The following MYH8 variants were observed in gnomAD, a reference collection of about 807,000 sequenced individuals.
MYH8 encodes myosin heavy chain 8, also known as myosin-8.
In MYH8, 168 loss-of-function variants were observed where a neutral mutation model predicts 233.2. The ratio of observed to expected loss-of-function variants is 0.72; its 90% CI spans 0.64 to 0.82. The LOEUF (loss-of-function observed/expected upper bound fraction) is 0.82. Among genes scored for constraint, MYH8 ranks in the 40% least tolerant of loss-of-function variants. MYH8 has a pLI of 0.00. For missense variants in MYH8, 1,995 were observed against 2,327.8 expected (o/e 0.86, Z 2.94); for synonymous variants, 785 against 850.6 (o/e 0.92, Z 1.34).
chr17:10,420,371 A>G, intron 2 of MYH8, 114 bp from the exon 3 acceptor site: 1 of 927,216 alleles, frequency 1.1e-6, no homozygotes, highest in Non-Finnish European at 1.7e-6. Flanking sequence ...CTATTCCTCC[A>G]AACTGGCACT....
At position 10,398,901 on chromosome 17, in the gene MYH8, C is replaced by G; in HGVS notation, c.3863-15G>C. The G allele has an allele frequency of 6.2e-7, 1 of 1,600,478 alleles. No individual in the cohort carries two copies. Among genetic ancestry groups the G allele is most frequent in the Non-Finnish European group, 8.5e-7 (1 of 1,172,326 alleles). ...AGAATATTCACCTAGGAATAATAGA[C>G]ATAAGGGAATTTTTTACTGGCATAA... is the stretch of plus-strand genomic sequence containing the variant. On this transcript the variant is annotated splice_polypyrimidine_tract_variant and intron_variant, in intron 28 of 39. Transcript: ENST00000403437.
In MYH8 at chr17:10,401,135, C is replaced by T. The variant is rs992866679; in HGVS notation, c.3165G>A (p.Lys1055=). The change falls in exon 25 of 40, where the codon AAG becomes AAA. Residue 1055 remains lysine (K), a synonymous_variant. Coordinates refer to ENST00000403437, the MANE Select transcript of MYH8 (RefSeq NM_002472.3). ...ATTTGAGGTCACCCTCCAGTTTCCG[C>T]TTTGCTCTTTCTAGATCCATTCGAA... ...KKLRMDLERA[K]RKLEGDLKLA... 8.1e-6 allele frequency: 13 copies of T among 1,614,154 alleles called. No individual in the cohort carries two copies. In the South Asian group the frequency reaches 1.3e-4, roughly 16 times the overall value.
intron 15 of MYH8, among the ~76,000 whole-genome samples, chr17:10,410,463 T>C (rs1266006744): frequency 6.6e-6 from 1 of 152,204 alleles, no homozygotes; most frequent in Non-Finnish European, 1.5e-5. Context: ...TCATGGATCA[T>C]AATGGAGATA....
rs940870546 is a variant in MYH8, at chr17:10,392,652, G to A, written c.5464-6C>T. 18 of 1,614,050 alleles carry A rather than the reference G, an allele frequency of 1.1e-5. No individual in the cohort carries two copies. The highest frequency in any genetic ancestry group is 1.5e-5 in the Non-Finnish European group (18 of 1,179,966). ...TCTCCTTCAAGCTCACGTACCTGCA[G>A]CCAAGAAAAATACTTACGCAGTCAG... On this transcript the variant is annotated splice_polypyrimidine_tract_variant and splice_region_variant and intron_variant, in intron 37 of 39. Coordinates refer to ENST00000403437, the MANE Select transcript of MYH8 (RefSeq NM_002472.3).
intron 35 of MYH8, 73 bp from the exon 36 acceptor site, chr17:10,393,283 G>C: frequency 6.3e-7 from 1 of 1,583,256 alleles, no homozygotes; most frequent in East Asian, 2.2e-5. Flanking sequence ...TGTCTTACTT[G>C]TTGGTTCGTG....
intron 12 of MYH8, 94 bp downstream of exon 12, chr17:10,413,808 G>GTCA: frequency 6.3e-7 from 1 of 1,588,902 alleles, no homozygotes; most frequent in Non-Finnish European, 8.6e-7. Flanking sequence ...TTCACAAGTC[G>GTCA]CAAGTCCAGC....
chr17:10,415,040 G>T lies in MYH8; in HGVS notation c.805+76C>A. On this transcript the variant is annotated intron_variant, in intron 9 of 39. Transcript: ENST00000403437. This position sits in a 1 kb window ranked among gnomAD's most constrained non-coding sequence, Gnocchi z 4.1. The stretch of plus-strand genomic sequence containing the variant: ...ACCCTTTTAACAGGCTTCATGCACA[G>T]CAAGGGTGGCAAAATATCCCTGCAA... 7.2e-7 allele frequency: 1 copy of T among 1,390,044 alleles called. No homozygotes were observed. Among genetic ancestry groups the T allele is most frequent in the Non-Finnish European group, 1.0e-6 (1 of 976,554 alleles). The allele number at this position is 1,390,044 out of a possible 1,614,324, so 86.1% of individuals were successfully genotyped here. A position where few individuals can be genotyped will look rare whatever the true frequency, so the allele number is the denominator to read the frequency against.
At chr17:10,393,349 T>C in intron 35 of MYH8, 139 bp from the exon 36 acceptor site, 1 of 1,241,222 alleles carries the variant, frequency 8.1e-7, no homozygotes, top group East Asian at 2.3e-5. Flanking sequence ...CAGTGGAAAA[T>C]GTTAATTATT....
Position 10,419,053 on chromosome 17 carries a change from G to C in MYH8, c.211-23C>G. 1.2e-6 allele frequency: 2 copies of C among 1,613,874 alleles called. No individual in the cohort carries two copies. The highest frequency in any genetic ancestry group is 1.7e-6 in the Non-Finnish European group (2 of 1,179,904). The stretch of plus-strand genomic sequence containing the variant: ...AGTCTGGTGAGTAAGCAAGAAACCA[G>C]TTCGTTTTTGTTTGTTTGTTTGAGA... On this transcript the variant is annotated intron_variant, in intron 3 of 39. Transcript: ENST00000403437. This position sits in a 1 kb window ranked among gnomAD's most constrained non-coding sequence, Gnocchi z 4.0.
At chr17:10,410,241 T>C (rs1011728195) in intron 15 of MYH8, among the ~76,000 whole-genome samples, 1 of 151,882 alleles carries the variant, frequency 6.6e-6, no homozygotes, top group Admixed American at 6.6e-5. Flanking sequence ...GGGTTGAGGC[T>C]TCAGTGAGCT....
Position 10,395,161 on chromosome 17 carries a change from T to C in MYH8, c.4934A>G (p.Asn1645Ser). The change falls in exon 34 of 40, where the codon AAC becomes AGC. Residue 1645 changes from asparagine to serine, a missense_variant. By Grantham distance (46) the Asn-to-Ser change is conservative (BLOSUM62 1). Transcript: ENST00000403437. ...ANRLAAESLRNYRNTQGILKE... is the reference protein window; with the variant it reads ...ANRLAAESLRSYRNTQGILKE... ...CAGGATTCCTTGGGTGTTCCTGTAG[T>C]TCCTTAAACTCTCTGCAGCTAAGCG... 1 of 1,613,766 alleles carries C rather than the reference T, an allele frequency of 6.2e-7. No homozygotes were observed. The highest frequency in any genetic ancestry group is 2.2e-5 in the East Asian group (1 of 44,886).
intron 39 of MYH8, 141 bp from the exon 40 acceptor site, chr17:10,390,744 T>C: frequency 1.0e-6 from 1 of 992,032 alleles, no homozygotes; most frequent in South Asian, 1.5e-5. Context: ...AAACAGAGTT[T>C]ATAACTTCAA....
chr17:10,392,929 G>C lies in MYH8; in HGVS notation c.5365C>G (p.Leu1789Val). 5 of 1,614,212 alleles carry C rather than the reference G, an allele frequency of 3.1e-6. No homozygotes were observed. Among genetic ancestry groups the C allele is most frequent in the Non-Finnish European group, 4.2e-6 (5 of 1,180,048 alleles). ...SAHLERMKKN[L>V]EQTVKDLQHR... is the part of the protein sequence containing the mutation. ...TGCAGGTCCTTCACCGTCTGCTCCA[G>C]GTTCTTCTTCATCCGCTCCAGGTGG... The change falls in exon 37 of 40, where the codon CTG becomes GTG. Residue 1789 changes from leucine (L) to valine (V), a missense_variant. Leu to Val is a conservative substitution (Grantham distance 32). Coordinates refer to ENST00000403437, the MANE Select transcript of MYH8 (RefSeq NM_002472.3).
chr17:10,410,888 G>A lies in MYH8; in HGVS notation c.1476C>T (p.Phe492=), dbSNP rs1567687933. Residue 492 remains phenylalanine, a synonymous_variant, in exon 15 of 40, where the codon TTC becomes TTT. Coordinates refer to ENST00000403437, the MANE Select transcript of MYH8 (RefSeq NM_002472.3). ...NFTNEKLQQF[F]NHHMFVLEQE... ...GCTCTAGCACAAACATGTGGTGGTT[G>A]AAAAACTGTTGCAGTTTCTCGTTGG... is the stretch of plus-strand genomic sequence containing the variant. 6.2e-7 allele frequency: 1 copy of A among 1,614,010 alleles called. No individual in the cohort carries two copies. The highest frequency in any genetic ancestry group is 8.5e-7 in the Non-Finnish European group (1 of 1,179,984).
chr17:10,397,073 CT>C, intron 30 of MYH8, 87 bp from the exon 31 acceptor site: 1 of 1,403,794 alleles, frequency 7.1e-7, no homozygotes, highest in Non-Finnish European at 9.9e-7. Flanking sequence ...AGTCCTATTT[CT>C]TTTCTTTTCT....
Position 10,418,915 on chromosome 17 carries a change from T to C in MYH8, c.326A>G (p.Lys109Arg), listed in dbSNP as rs1468156936. Residue 109 changes from lysine to arginine, a missense_variant, in exon 4 of 40, where the codon AAA becomes AGA. Lys to Arg is a conservative substitution (Grantham distance 26). Coordinates refer to ENST00000403437, the MANE Select transcript of MYH8 (RefSeq NM_002472.3). ...GATCATCCAGGCTGCATAGCGCTCTTTGAGGTTGTACAGCACTCCAGGCTC... is the reference window on the plus strand; with the variant it reads ...GATCATCCAGGCTGCATAGCGCTCTCTGAGGTTGTACAGCACTCCAGGCTC... The part of the protein sequence containing the change: ...LHEPGVLYNL[K>R]ERYAAWMIYT... The C allele has an allele frequency of 1.1e-5, 18 of 1,614,056 alleles. No individual in the cohort carries two copies. Among genetic ancestry groups the C allele is most frequent in the Non-Finnish European group, 1.5e-5 (18 of 1,180,014 alleles).
Position 10,419,771 on chromosome 17 carries a change from T to G in MYH8, c.210+247A>C, listed in dbSNP as rs540810420. ...TTCCCTCAAGTTTGGACATTCAGACTAGGAAGTGGGGAATTGAAGGGAAAT... is the reference window on the plus strand; with the variant it reads ...TTCCCTCAAGTTTGGACATTCAGACGAGGAAGTGGGGAATTGAAGGGAAAT... On this transcript the variant is annotated intron_variant, in intron 3 of 39. Coordinates refer to ENST00000403437, the MANE Select transcript of MYH8 (RefSeq NM_002472.3). This position sits in a 1 kb window ranked among gnomAD's most constrained non-coding sequence, Gnocchi z 4.0. Among the ~76,000 whole-genome samples, 1 of 152,256 alleles carries G rather than the reference T, an allele frequency of 6.6e-6. No homozygotes were observed. Among genetic ancestry groups the G allele is most frequent in the East Asian group, 1.9e-4 (1 of 5,184 alleles).
In MYH8 at chr17:10,396,810, A is replaced by G. The variant is rs551879041; in HGVS notation, c.4355T>C (p.Phe1452Ser). 1 of 1,614,170 alleles carries G rather than the reference A, an allele frequency of 6.2e-7. No individual in the cohort carries two copies. Among genetic ancestry groups the G allele is most frequent in the Non-Finnish European group, 8.5e-7 (1 of 1,180,022 alleles). Residue 1452 changes from phenylalanine (F) to serine (S), a missense_variant, in exon 31 of 40, where the codon TTT (phenylalanine) becomes TCT (serine). By Grantham distance (155) the Phe-to-Ser change is radical. Transcript: ENST00000403437. This position sits in a 1 kb window ranked among gnomAD's most constrained non-coding sequence, Gnocchi z 4.2. ...CAALDKKQRNFDKVLSEWKQK... is the reference protein window; with the variant it reads ...CAALDKKQRNSDKVLSEWKQK... ...TTAAGCAGTCTGGGCCACCTTGTCA[A>G]AGTTCCTTTGCTTCTTATCAAGGGC...
intron 39 of MYH8, among the ~76,000 whole-genome samples, chr17:10,391,346 T>C (rs916526137): frequency 2.0e-5 from 3 of 152,214 alleles, no homozygotes; most frequent in Non-Finnish European, 4.4e-5. Flanking sequence ...GTGAGCTGTT[T>C]AGAACTTGCC....
Sources: gnomAD v4.1 joint callset for allele counts (sites outside exome capture counted in the v4.1 genomes callset) on GRCh38, gnomAD v4.1.1 for gene constraint, Gnocchi (gnomAD v3.1) non-coding constraint, MANE v1.5 for transcripts, NCBI Gene and HGNC (gene_info 2026-07-23, HGNC 2026-07-21) for gene names.